Variants in AVEN observed in about 807,000 individuals in gnomAD.
The protein encoded by AVEN is cell death regulator Aven.
In AVEN, 41 loss-of-function variants were observed where a neutral mutation model predicts 38.1. That is an observed-to-expected ratio of 1.08 (90% CI 0.84 to 1.40). The LOEUF (loss-of-function observed/expected upper bound fraction) is 1.40. Ranked by LOEUF, AVEN falls within the 40% of genes most tolerant of loss-of-function variation. The pLI is 0.00. For synonymous variants in AVEN, 206 were observed against 171.8 expected (o/e 1.20, Z -1.56); for missense variants, 605 against 438.8 (o/e 1.38, Z -3.38).
chr15:33,930,681 C>T (rs892963869), intron 2 of AVEN, among the ~76,000 whole-genome samples: 25 of 152,140 alleles, frequency 1.6e-4, no homozygotes, highest in African/African-American at 5.1e-4. Context: ...ACTGGCCGGG[C>T]GCGGTGGCTC....
At chr15:33,989,355 T>A (rs183165043) in intron 2 of AVEN, among the ~76,000 whole-genome samples, 65 of 152,220 alleles carry the variant, frequency 4.3e-4, no homozygotes, top group African/African-American at 1.5e-3. Flanking sequence ...GTATAGAACT[T>A]TATAATTTGT....
At chr15:33,925,263 A>T (rs1272580268) in intron 2 of AVEN, among the ~76,000 whole-genome samples, 2 of 152,162 alleles carry the variant, frequency 1.3e-5, no homozygotes, top group Non-Finnish European at 2.9e-5. Context: ...CCCAGGGATA[A>T]ATGATTAATG....
At chr15:33,918,060 C>A (rs919883607) in intron 2 of AVEN, among the ~76,000 whole-genome samples, 52 of 152,038 alleles carry the variant, frequency 3.4e-4, no homozygotes, top group African/African-American at 1.2e-3. Context: ...ATATCCAGTT[C>A]AATAAAATAC....
intron 2 of AVEN, among the ~76,000 whole-genome samples, chr15:34,069,741 T>C (rs1900592302): frequency 6.6e-6 from 1 of 152,242 alleles, no homozygotes; most frequent in Non-Finnish European, 1.5e-5. Context: ...TAATTGCTTT[T>C]GTTAATTTTT....
In AVEN at chr15:34,013,660, T is replaced by A. The variant is rs189184074; in HGVS notation, c.268-10451A>T. ...CAGTGCTGTGGGAAACACGGAGAAGTAAACATATATAGTGTGATATCAGCT... is the reference window on the plus strand; with the variant it reads ...CAGTGCTGTGGGAAACACGGAGAAGAAAACATATATAGTGTGATATCAGCT... On this transcript the variant is annotated intron_variant, in intron 1 of 5. Transcript: ENST00000306730. Among the ~76,000 whole-genome samples, 27 of 152,160 alleles carry A rather than the reference T, an allele frequency of 1.8e-4. No homozygotes were observed. The East Asian group carries it at 5.0e-3, about 28-fold the overall frequency.
At chr15:33,913,255 C>T (rs555425940) in intron 2 of AVEN, among the ~76,000 whole-genome samples, 1 of 152,258 alleles carries the variant, frequency 6.6e-6, no homozygotes, top group Non-Finnish European at 1.5e-5. Context: ...ACTCAAACCC[C>T]GTGACCATGC....
At chr15:33,909,942 A>T (rs1892856369) in intron 2 of AVEN, among the ~76,000 whole-genome samples, 1 of 144,844 alleles carries the variant, frequency 6.9e-6, no homozygotes, top group African/African-American at 2.9e-5. Context: ...CAGCCTGGCC[A>T]AATACAAAAA....
At chr15:34,051,925 G>C (rs1317678345) in intron 5 of AVEN, among the ~76,000 whole-genome samples, 1 of 151,784 alleles carries the variant, frequency 6.6e-6, no homozygotes, top group Non-Finnish European at 1.5e-5. Context: ...CAGGTACAAA[G>C]AGCTGGTACC....
intron 11 of AVEN, chr15:33,860,671 C>T: frequency 1.3e-6 from 2 of 1,551,634 alleles, no homozygotes; most frequent in Non-Finnish European, 1.8e-6. Flanking sequence ...TAATGTTACT[C>T]TAACTACTAA....
chr15:33,965,032 T>C (rs1039296428), intron 2 of AVEN, among the ~76,000 whole-genome samples: 2 of 152,224 alleles, frequency 1.3e-5, no homozygotes, highest in Non-Finnish European at 2.9e-5. Context: ...TTAACCTTGG[T>C]GTACCTCAGT....
intron 2 of AVEN, among the ~76,000 whole-genome samples, chr15:33,900,756 A>G (rs16958299): frequency 0.11 from 16,150 of 152,218 alleles, 1,284 homozygotes; most frequent in African/African-American, 0.21. Flanking sequence ...ACAAGTTTAA[A>G]TCAAATTTAA....
At chr15:34,045,767 C>T (rs1440374776) in intron 5 of AVEN, among the ~76,000 whole-genome samples, 1 of 151,752 alleles carries the variant, frequency 6.6e-6, no homozygotes. Flanking sequence ...CAAAAGTTGG[C>T]AAGTCCACTC....
intron 2 of AVEN, among the ~76,000 whole-genome samples, chr15:33,894,665 G>C (rs7495549): frequency 0.88 from 86,858 of 98,568 alleles, 40,730 homozygotes; most frequent in Non-Finnish European, 0.98. Context: ...AAAAAATTAG[G>C]TGGGCATGGC....
At chr15:34,024,925 G>A (rs531049044) in intron 1 of AVEN, among the ~76,000 whole-genome samples, 17 of 151,926 alleles carry the variant, frequency 1.1e-4, no homozygotes, top group Middle Eastern at 3.4e-3. Flanking sequence ...GCTCACACCT[G>A]TAATCCTAGC....
intron 2 of AVEN, among the ~76,000 whole-genome samples, chr15:33,930,524 A>T (rs1377625894): frequency 2.0e-5 from 3 of 152,178 alleles, no homozygotes; most frequent in Non-Finnish European, 4.4e-5. Context: ...CATGGAGCTA[A>T]ATAATCTCTC....
chr15:33,954,589 G>A (rs1894886638), intron 2 of AVEN, among the ~76,000 whole-genome samples: 3 of 150,672 alleles, frequency 2.0e-5, no homozygotes, highest in Admixed American at 6.6e-5. Context: ...ACTCATAGGA[G>A]GGAATTGAAC....
chr15:34,018,673 C>T (rs1372942024), intron 1 of AVEN, among the ~76,000 whole-genome samples: 1 of 152,192 alleles, frequency 6.6e-6, no homozygotes, highest in Non-Finnish European at 1.5e-5. Flanking sequence ...TGGAAAGGGA[C>T]TCCAGTGGGT....
chr15:33,871,402 A>C (rs1890944508), intron 3 of AVEN, among the ~76,000 whole-genome samples: 1 of 152,136 alleles, frequency 6.6e-6, no homozygotes. Flanking sequence ...CCCTGTTTCT[A>C]CTGAAAATAC....
chr15:33,936,748 C>T (rs1260930094), intron 2 of AVEN, among the ~76,000 whole-genome samples: 3 of 152,130 alleles, frequency 2.0e-5, no homozygotes, highest in African/African-American at 7.2e-5. Flanking sequence ...AGGAGTTTTA[C>T]CATCTCAGAT....
Sources: allele counts gnomAD v4.1 joint callset (sites outside exome capture counted in the v4.1 genomes callset), GRCh38; gene constraint gnomAD v4.1.1; transcripts MANE v1.5; gene names NCBI Gene and HGNC (gene_info 2026-07-23, HGNC 2026-07-21).